The following SOCS7 variants were observed in gnomAD, a reference collection of about 807,000 sequenced individuals.
The protein encoded by SOCS7 is suppressor of cytokine signaling 7.
In SOCS7, 18 loss-of-function variants were observed where a neutral mutation model predicts 58.9. That is an observed-to-expected ratio of 0.31 (90% CI 0.21 to 0.45). The LOEUF is 0.45. SOCS7 is among the 20% of genes least tolerant of loss of function. SOCS7 has a pLI of 1.00. For synonymous variants in SOCS7, 388 were observed against 364.3 expected (o/e 1.06, Z -0.74); for missense variants, 667 against 837.3 (o/e 0.80, Z 2.51).
chr17:38,352,455 C>A lies in SOCS7; in HGVS notation c.403C>A (p.Pro135Thr). The A allele has an allele frequency of 6.8e-7, 1 of 1,467,934 alleles. No individual in the cohort carries two copies. The highest frequency in any genetic ancestry group is 9.0e-7 in the Non-Finnish European group (1 of 1,110,926). The allele number at this position is 1,467,934 out of a possible 1,614,324, so 90.9% of individuals were successfully genotyped here. Reference sequence around the variant, plus strand: ...TCTGGGGCTCGGGCAGCCGGCGGGGCCGGGGGTCAAGACAGTCGGTGGGGG... The same window carrying A: ...TCTGGGGCTCGGGCAGCCGGCGGGGACGGGGGTCAAGACAGTCGGTGGGGG... ...AALGLGQPAG[P>T]GVKTVGGGCC... The change falls in exon 1 of 10, where the codon CCG becomes ACG. Residue 135 changes from proline (P) to threonine (T), a missense_variant. Physicochemically the swap from Pro to Thr is conservative, Grantham distance 38 (BLOSUM62 -1). Around this residue, in one of 9 missense-constraint regions of SOCS7, gnomAD observed 154 missense variants for 156.3 expected, o/e 0.98. Transcript: ENST00000612932. This position sits in a 1 kb window ranked among gnomAD's most constrained non-coding sequence, Gnocchi z 5.5.
intron 1 of SOCS7, among the ~76,000 whole-genome samples, chr17:38,354,211 T>C (rs1010640526): frequency 6.6e-6 from 1 of 152,166 alleles, no homozygotes; most frequent in African/African-American, 2.4e-5. Flanking sequence ...TCAGAAAGAT[T>C]GGAATGGGTT....
At chr17:38,374,177 T>G (rs2037903144) in intron 6 of SOCS7, among the ~76,000 whole-genome samples, 1 of 152,180 alleles carries the variant, frequency 6.6e-6, no homozygotes, top group African/African-American at 2.4e-5. Flanking sequence ...CCAAGATTGC[T>G]TCGCTGCACT....
chr17:38,363,523 C>T (rs935792015), intron 2 of SOCS7, among the ~76,000 whole-genome samples: 44 of 152,218 alleles, frequency 2.9e-4, no homozygotes, highest in Admixed American at 2.4e-3. Context: ...TTTGTAGAGA[C>T]GGGGTCTTAA....
At chr17:38,382,847 A>G (rs2038020987) in intron 7 of SOCS7, among the ~76,000 whole-genome samples, 3 of 152,144 alleles carry the variant, frequency 2.0e-5, no homozygotes, top group Admixed American at 6.5e-5. Flanking sequence ...TGTTAAGTTT[A>G]TAATTACTTG....
chr17:38,388,706 A>G (rs1597708750), intron 7 of SOCS7, among the ~76,000 whole-genome samples: 2 of 152,142 alleles, frequency 1.3e-5, no homozygotes, highest in African/African-American at 4.8e-5. Context: ...TTCCGTTTCT[A>G]TGGATTTGAC....
intron 5 of SOCS7, 97 bp downstream of exon 5, chr17:38,366,514 A>C: frequency 6.9e-7 from 1 of 1,459,244 alleles, no homozygotes; most frequent in Non-Finnish European, 9.4e-7. Context: ...TTATTTTTAG[A>C]GACAGGGTCT....
chr17:38,360,548 A>G (rs754312014), intron 1 of SOCS7, among the ~76,000 whole-genome samples: 46 of 134,416 alleles, frequency 3.4e-4, no homozygotes, highest in Non-Finnish European at 6.3e-4. Flanking sequence ...ATTTTATTTT[A>G]CTTTATTTTG....
At chr17:38,353,482 A>C (rs184461948) in intron 1 of SOCS7, among the ~76,000 whole-genome samples, 14 of 152,360 alleles carry the variant, frequency 9.2e-5, no homozygotes, top group Admixed American at 8.5e-4. Flanking sequence ...TGACAGGAGA[A>C]TCTTCAAATG....
chr17:38,382,312 C>T (rs1238943717), intron 7 of SOCS7, among the ~76,000 whole-genome samples: 1 of 151,390 alleles, frequency 6.6e-6, no homozygotes, highest in Non-Finnish European at 1.5e-5. Context: ...ATGGTGTGTG[C>T]CTTTGGTCCC....
intron 1 of SOCS7, among the ~76,000 whole-genome samples, chr17:38,354,363 T>C (rs1441650196): frequency 6.6e-6 from 1 of 152,228 alleles, no homozygotes; most frequent in Non-Finnish European, 1.5e-5. Context: ...TTGAACTTTT[T>C]AAAAGCTCCC....
intron 7 of SOCS7, among the ~76,000 whole-genome samples, chr17:38,390,966 G>A (rs1271468659): frequency 1.3e-5 from 2 of 151,570 alleles, no homozygotes; most frequent in East Asian, 3.9e-4. Flanking sequence ...CAAAGTGCTG[G>A]GATTATAGGT....
Position 38,365,680 on chromosome 17 carries a change from TC to T in SOCS7, c.1252+273del, listed in dbSNP as rs1394313938. Reference sequence around the variant, plus strand: ...CTTTGCTGCTGAGACTGTTTTGCAATCCTTGAGTAGATATCACTTAAGAAAC... The same window carrying T: ...CTTTGCTGCTGAGACTGTTTTGCAATCTTGAGTAGATATCACTTAAGAAAC... On this transcript the variant is annotated intron_variant, in intron 4 of 9. Coordinates refer to ENST00000612932, the MANE Select transcript of SOCS7 (RefSeq NM_014598.4). 6 of 347,672 alleles carry T rather than the reference TC, an allele frequency of 1.7e-5. No individual in the cohort carries two copies. In the Admixed American group the frequency reaches 2.3e-4, roughly 14 times the overall value. The allele number at this position is 347,672 out of a possible 1,614,324, so 21.5% of individuals were successfully genotyped here.
intron 1 of SOCS7, among the ~76,000 whole-genome samples, chr17:38,355,989 T>G (rs1295890883): frequency 6.6e-6 from 1 of 152,138 alleles, no homozygotes; most frequent in Non-Finnish European, 1.5e-5. Context: ...GTTCAAGCGA[T>G]TCTTCTGCTT....
Position 38,395,179 on chromosome 17 carries a change from C to T in SOCS7, c.1682-130C>T. ...AAATCAACAGCACTTTGTGGAGGGG[C>T]TTTTGCACAGAATACATATATGAAC... On this transcript the variant is annotated intron_variant, in intron 7 of 9. Coordinates refer to ENST00000612932, the MANE Select transcript of SOCS7 (RefSeq NM_014598.4). The T allele has an allele frequency of 3.6e-6, 3 of 841,336 alleles. No individual in the cohort carries two copies. In the South Asian group the frequency reaches 6.3e-5, roughly 18 times the overall value. The allele number at this position is 841,336 out of a possible 1,614,324, so 52.1% of individuals were successfully genotyped here.
chr17:38,387,307 C>T (rs1410227236), intron 7 of SOCS7, among the ~76,000 whole-genome samples: 44 of 144,230 alleles, frequency 3.1e-4, no homozygotes, highest in African/African-American at 1.1e-3. Context: ...AATAGCCGGG[C>T]GTGGTGGTGG....
At chr17:38,365,652 A>G in intron 4 of SOCS7, 1 of 394,420 alleles carries the variant, frequency 2.5e-6, no homozygotes, top group East Asian at 4.0e-5. Context: ...ATTTTTCATC[A>G]GTCTTTGCTG....
intron 7 of SOCS7, among the ~76,000 whole-genome samples, chr17:38,389,929 TGAGA>T (rs1241461204): frequency 1.7e-4 from 4 of 23,146 alleles, no homozygotes. Context: ...AGAGAGAGAG[TGAGA>T]GAGAGAGAGA....
chr17:38,368,080 C>A, intron 6 of SOCS7, 30 bp downstream of exon 6: 1 of 1,551,304 alleles, frequency 6.4e-7, no homozygotes. Flanking sequence ...GAGGCTTCTT[C>A]CCCCCTTGAT....
At chr17:38,371,177 G>A (rs1054649659) in intron 6 of SOCS7, among the ~76,000 whole-genome samples, 3 of 152,176 alleles carry the variant, frequency 2.0e-5, no homozygotes, top group Middle Eastern at 3.4e-3. Context: ...GCAGTGCCAC[G>A]ATCTCGGCTC....
Sources: allele counts gnomAD v4.1 joint callset (sites outside exome capture counted in the v4.1 genomes callset), GRCh38; gene constraint gnomAD v4.1.1; regional missense constraint gnomAD v4.1.1; non-coding constraint Gnocchi (gnomAD v3.1); transcripts MANE v1.5; gene names NCBI Gene and HGNC (gene_info 2026-07-23, HGNC 2026-07-21).